Variants in PPCDC observed in about 807,000 individuals in gnomAD.
PPCDC encodes the protein phosphopantothenoylcysteine decarboxylase.
PPCDC carries 20 observed loss-of-function variants against 20.7 expected under a neutral mutation model. The ratio of observed to expected loss-of-function variants is 0.97; its 90% CI spans 0.68 to 1.41. PPCDC has a LOEUF of 1.41. Ranked by LOEUF, PPCDC falls within the 40% of genes most tolerant of loss-of-function variation. The probability of loss-of-function intolerance (pLI) is 0.00; values close to 1 mark genes in which losing one functional copy is unlikely to be tolerated. For missense variants in PPCDC, 246 were observed against 263.8 expected (o/e 0.93, Z 0.47); for synonymous variants, 88 against 100.3 (o/e 0.88, Z 0.73).
chr15:75,042,288 C>G (rs2066162086), intron 2 of PPCDC, among the ~76,000 whole-genome samples: 1 of 152,136 alleles, frequency 6.6e-6, no homozygotes, highest in African/African-American at 2.4e-5. Context: ...ATGTGGTTCC[C>G]TATACACCCC....
Position 75,028,338 on chromosome 15 carries a change from G to T in PPCDC, c.20G>T (p.Cys7Phe). 6.2e-7 allele frequency: 1 copy of T among 1,614,198 alleles called. No homozygotes were observed. Among genetic ancestry groups the T allele is most frequent in the Non-Finnish European group, 8.5e-7 (1 of 1,180,040 alleles). MEPKAS[C>F]PAAAPLMERK... is the part of the protein sequence containing the mutation. ...CCCCACATGGAACCAAAGGCCTCCTGTCCAGCTGCTGCACCCTTGATGGAG... is the reference window on the plus strand; with the variant it reads ...CCCCACATGGAACCAAAGGCCTCCTTTCCAGCTGCTGCACCCTTGATGGAG... The change falls in exon 2 of 6, where the codon TGT becomes TTT. Residue 7 changes from cysteine (C) to phenylalanine (F), a missense_variant. By Grantham distance (205) the Cys-to-Phe change is radical. This residue lies in a region of PPCDC where 225 missense variants were observed against 222.6 expected (regional missense o/e 1.01). Coordinates refer to ENST00000342932, the MANE Select transcript of PPCDC (RefSeq NM_021823.5).
intron 3 of PPCDC, 152 bp downstream of exon 3, chr15:75,043,688 C>T: frequency 4.4e-6 from 3 of 681,380 alleles, no homozygotes; most frequent in East Asian, 2.8e-5. Flanking sequence ...ATGAAGAAAA[C>T]ATCTGTCTAG....
intron 2 of PPCDC, among the ~76,000 whole-genome samples, chr15:75,039,176 C>T (rs566485689): frequency 2.0e-5 from 3 of 152,322 alleles, no homozygotes; most frequent in Non-Finnish European, 4.4e-5. Flanking sequence ...TCTGTCTTCA[C>T]TGCCAGGGAC....
rs1024380802 is a variant in PPCDC, at chr15:75,028,026, C to T, written c.-72-221C>T. On this transcript the variant is annotated intron_variant, in intron 1 of 5. Coordinates refer to ENST00000342932, the MANE Select transcript of PPCDC (RefSeq NM_021823.5). ...GAGATGGTCACCCTGAGCAGCCACGCACCTGGTACAGCCCTTCCCCACAGC... is the reference window on the plus strand; with the variant it reads ...GAGATGGTCACCCTGAGCAGCCACGTACCTGGTACAGCCCTTCCCCACAGC... The T allele has an allele frequency of 1.4e-4, 53 of 366,478 alleles. No individual in the cohort carries two copies. In the Middle Eastern group the frequency reaches 2.2e-3, roughly 15 times the overall value. The allele number at this position is 366,478 out of a possible 1,614,324, so 22.7% of individuals were successfully genotyped here. A position where few individuals can be genotyped will look rare whatever the true frequency, so the allele number is the denominator to read the frequency against.
At position 75,030,484 on chromosome 15, in the gene PPCDC, G is replaced by C. The variant is rs1171064837; in HGVS notation, c.135+2031G>C. Reference sequence around the variant, plus strand: ...GAGGGCCCATGCCTTTCATCTGCAGGGAGACAGCTCTCCAAGCCTGGCCTT... The same window carrying C: ...GAGGGCCCATGCCTTTCATCTGCAGCGAGACAGCTCTCCAAGCCTGGCCTT... On this transcript the variant is annotated intron_variant, in intron 2 of 5. Coordinates refer to ENST00000342932, the MANE Select transcript of PPCDC (RefSeq NM_021823.5). 1.3e-5 allele frequency among the ~76,000 whole-genome samples: 2 copies of C among 152,232 alleles called. 1 individual carries two copies. Among genetic ancestry groups the C allele is most frequent in the Admixed American group, 1.3e-4 (2 of 15,286 alleles).
At chr15:75,040,551 C>A (rs192824034) in intron 2 of PPCDC, among the ~76,000 whole-genome samples, 1 of 152,238 alleles carries the variant, frequency 6.6e-6, no homozygotes, top group Admixed American at 6.5e-5. Context: ...AGATAAGAAT[C>A]TGAATTTTAA....
intron 4 of PPCDC, among the ~76,000 whole-genome samples, chr15:75,047,642 T>C (rs913610792): frequency 6.6e-6 from 1 of 152,210 alleles, no homozygotes; most frequent in East Asian, 1.9e-4. Flanking sequence ...CTGGAGCCTG[T>C]GTTTTGTGCC....
At chr15:75,034,969 C>T (rs139318351) in intron 2 of PPCDC, among the ~76,000 whole-genome samples, 141 of 151,978 alleles carry the variant, frequency 9.3e-4, no homozygotes, top group African/African-American at 3.3e-3. Context: ...CTGTGCTATC[C>T]GATAAATGTA....
chr15:75,043,420 C>T, intron 2 of PPCDC, 21 bp from the exon 3 acceptor site: 6 of 1,596,856 alleles, frequency 3.8e-6, no homozygotes, highest in Non-Finnish European at 5.1e-6. Flanking sequence ...CTCCCCGCCA[C>T]CCCCTTCTTC....
At chr15:75,027,179 C>T (rs1567044624) in intron 1 of PPCDC, among the ~76,000 whole-genome samples, 1 of 152,148 alleles carries the variant, frequency 6.6e-6, no homozygotes, top group Non-Finnish European at 1.5e-5. Flanking sequence ...CAAATAATTT[C>T]AGACAGGTGT....
Position 75,049,466 on chromosome 15 carries a change from T to C in PPCDC, c.*231T>C. ...CCTAGAGCCCCTCCCCACCTTTTCC[T>C]GGATGGGTGAGGCAAGCCAGGAGAG... On this transcript the variant is annotated 3_prime_UTR_variant, in exon 6 of 6. Coordinates refer to ENST00000342932, the MANE Select transcript of PPCDC (RefSeq NM_021823.5). 1.8e-6 allele frequency: 1 copy of C among 544,164 alleles called. No individual in the cohort carries two copies. The allele number at this position is 544,164 out of a possible 1,614,324, so 33.7% of individuals were successfully genotyped here.
intron 4 of PPCDC, chr15:75,045,166 G>C (rs2066214563): frequency 6.5e-6 from 1 of 153,214 alleles, no homozygotes; most frequent in Non-Finnish European, 1.5e-5. Flanking sequence ...TGATCGTCCT[G>C]GGAAGATTTG....
intron 1 of PPCDC, 76 bp from the exon 2 acceptor site, chr15:75,028,170 TG>T: frequency 9.3e-7 from 1 of 1,074,628 alleles, no homozygotes; most frequent in Non-Finnish European, 1.3e-6. Flanking sequence ...GCCTCTGGCC[TG>T]GGGCCTAATA....
At position 75,045,813 on chromosome 15, in the gene PPCDC, G is replaced by C. The variant is rs533219985; in HGVS notation, c.360+1299G>C. Among the ~76,000 whole-genome samples, 12 of 151,828 alleles carry C rather than the reference G, an allele frequency of 7.9e-5. 1 individual carries two copies. In the South Asian group the frequency reaches 2.1e-3, roughly 26 times the overall value. ...GTGGGAGGGTCGCTTAAGCCCAGGAGTTCTAGGCTGCGGTGCCCCTTGATT... is the reference window on the plus strand; with the variant it reads ...GTGGGAGGGTCGCTTAAGCCCAGGACTTCTAGGCTGCGGTGCCCCTTGATT... On this transcript the variant is annotated intron_variant, in intron 4 of 5. Coordinates refer to ENST00000342932, the MANE Select transcript of PPCDC (RefSeq NM_021823.5).
chr15:75,042,818 A>G (rs2066169264), intron 2 of PPCDC, among the ~76,000 whole-genome samples: 2 of 152,206 alleles, frequency 1.3e-5, no homozygotes, highest in African/African-American at 4.8e-5. Flanking sequence ...AGTGTACACC[A>G]GGTAAACCTC....
chr15:75,026,683 G>A (rs1487183146), intron 1 of PPCDC, among the ~76,000 whole-genome samples: 1 of 152,220 alleles, frequency 6.6e-6, no homozygotes, highest in African/African-American at 2.4e-5. Context: ...ACTCACCAGC[G>A]CTGCTTCCTG....
rs779566871 is a variant in PPCDC, at chr15:75,043,541, G to A, written c.231+5G>A. 10 of 1,603,408 alleles carry A rather than the reference G, an allele frequency of 6.2e-6. No homozygotes were observed. Among genetic ancestry groups the A allele is most frequent in the Middle Eastern group, 1.7e-4 (1 of 6,036 alleles). ...AGCGACGCTGATGAATGGGAGGTCA[G>A]TGCTGGGGCCCCTGGGCTGAGTTCC... On this transcript the variant is annotated splice_donor_5th_base_variant and intron_variant, in intron 3 of 5. Transcript: ENST00000342932.
intron 4 of PPCDC, among the ~76,000 whole-genome samples, chr15:75,047,084 G>C (rs2066245942): frequency 1.3e-5 from 2 of 152,254 alleles, no homozygotes; most frequent in African/African-American, 4.8e-5. Flanking sequence ...TGGGTTCAGA[G>C]TAGCTGAGGC....
At chr15:75,027,991 C>CT (rs1188779488) in intron 1 of PPCDC, among the ~76,000 whole-genome samples, 1 of 152,212 alleles carries the variant, frequency 6.6e-6, no homozygotes, top group Non-Finnish European at 1.5e-5. Flanking sequence ...GATGCAATCT[C>CT]TGACTTCTAG....
Sources: gnomAD v4.1 joint callset for allele counts (sites outside exome capture counted in the v4.1 genomes callset) on GRCh38, gnomAD v4.1.1 for gene constraint, gnomAD v4.1.1 regional missense constraint, MANE v1.5 for transcripts, NCBI Gene and HGNC (gene_info 2026-07-23, HGNC 2026-07-21) for gene names.